The following RGS6 variants were observed in gnomAD, a reference collection of about 807,000 sequenced individuals.
RGS6 encodes the protein regulator of G-protein signaling 6.
Under a neutral mutation model 78.5 loss-of-function variants are expected in RGS6, and 30 were observed. The ratio of observed to expected loss-of-function variants is 0.38; its 90% CI spans 0.29 to 0.52. The LOEUF (loss-of-function observed/expected upper bound fraction) is 0.52, where lower values mean the gene tolerates loss of function less well. Among genes scored for constraint, RGS6 ranks in the 20% least tolerant of loss-of-function variants. The pLI, the probability that RGS6 is intolerant of heterozygous loss-of-function variation, is 0.85. For missense variants in RGS6, 495 were observed against 609.7 expected, an observed-to-expected ratio of 0.81 and a Z score of 1.98; for synonymous variants, 206 against 206.0, an observed-to-expected ratio of 1.00 and a Z score of 0.00.
the RGS6 span, among the ~76,000 whole-genome samples, chr14:71,869,128 A>T: frequency 1.6e-4 from 24 of 152,276 alleles, no homozygotes; most frequent in Admixed American, 1.6e-3. Context: ...CTTTGCCTCG[A>T]GCTCTGCTTC....
chr14:71,902,083 C>T, the RGS6 span, among the ~76,000 whole-genome samples: 2 of 129,836 alleles, frequency 1.5e-5, no homozygotes, highest in African/African-American at 5.5e-5. Flanking sequence ...GAGAAAAAAC[C>T]TGGAGAAAGA....
intron 2 of RGS6, among the ~76,000 whole-genome samples, chr14:72,131,562 A>G (rs1388730256): frequency 6.6e-6 from 1 of 152,168 alleles, no homozygotes; most frequent in Non-Finnish European, 1.5e-5. Flanking sequence ...GGTAACAGAA[A>G]TTGTCAAGTG....
At chr14:72,478,419 C>A (rs966827387) in intron 12 of RGS6, 90 bp downstream of exon 12, 2 of 929,574 alleles carry the variant, frequency 2.2e-6, no homozygotes, top group Admixed American at 2.0e-5. Context: ...GTGTTCAATG[C>A]CAAGAGTTAG....
At position 72,563,177 on chromosome 14, in the gene RGS6, C is replaced by T. The variant is rs534069749; in HGVS notation, c.*710C>T. ...CCCGTCACATGTCTCAAGGGTCCAG[C>T]GTTCGAGGAAGCACTGTTGTAGATG... On this transcript the variant is annotated 3_prime_UTR_variant, in exon 18 of 18. Transcript: ENST00000553525. 34 of 217,652 alleles carry T rather than the reference C, an allele frequency of 1.6e-4. No individual in the cohort carries two copies. The highest frequency in any genetic ancestry group is 5.9e-4 in the Admixed American group (12 of 20,266). 13.5% of individuals were successfully genotyped at this position (217,652 alleles called of 1,614,324 possible).
chr14:71,914,822 G>C, the RGS6 span, among the ~76,000 whole-genome samples: 1 of 151,532 alleles, frequency 6.6e-6, no homozygotes, highest in African/African-American at 2.4e-5. Context: ...TCTTCTGCTT[G>C]AGCTTATTTT....
At chr14:72,540,742 C>G (rs2097314299) in intron 17 of RGS6, 4 of 1,280,574 alleles carry the variant, frequency 3.1e-6, no homozygotes, top group Non-Finnish European at 4.1e-6. Flanking sequence ...CCTGCGGTGT[C>G]CTGGGTACTC....
chr14:72,391,213 C>T (rs1055802704), intron 3 of RGS6, among the ~76,000 whole-genome samples: 2 of 151,876 alleles, frequency 1.3e-5, no homozygotes, highest in Non-Finnish European at 2.9e-5. Context: ...GAAGGGAATG[C>T]TTCATTTCCA....
intron 2 of RGS6, among the ~76,000 whole-genome samples, chr14:72,098,882 G>A (rs1643927659): frequency 6.6e-6 from 1 of 152,158 alleles, no homozygotes; most frequent in African/African-American, 2.4e-5. Flanking sequence ...AGTGCGTAGA[G>A]CCCTAGTACC....
intron 1 of RGS6, among the ~76,000 whole-genome samples, chr14:71,948,284 T>G (rs187090634): frequency 1.3e-5 from 2 of 152,332 alleles, no homozygotes; most frequent in African/African-American, 4.8e-5. Flanking sequence ...TCCTGATTAG[T>G]CACATGTCTA....
In RGS6 at chr14:72,551,011, T is replaced by C. The variant is rs1200278741; in HGVS notation, c.1422+10917T>C. On this transcript the variant is annotated intron_variant, in intron 17 of 17. Coordinates refer to ENST00000553525, the MANE Select transcript of RGS6 (RefSeq NM_001204424.2). ...TGCACCACCACACTCAACTAATTTTTGTACTCTTAGTAGAGACGGAGTTTC... is the reference window on the plus strand; with the variant it reads ...TGCACCACCACACTCAACTAATTTTCGTACTCTTAGTAGAGACGGAGTTTC... 1.4e-4 allele frequency among the ~76,000 whole-genome samples: 22 copies of C among 152,182 alleles called. 1 individual carries two copies. The highest frequency in any genetic ancestry group is 9.8e-4 in the Admixed American group (15 of 15,274).
chr14:72,523,452 A>G (rs922400768), intron 15 of RGS6, among the ~76,000 whole-genome samples: 2 of 152,124 alleles, frequency 1.3e-5, no homozygotes, highest in Non-Finnish European at 2.9e-5. Context: ...TGCAGTGGTC[A>G]TATGCTTTAA....
chr14:72,604,082 A>G, the RGS6 span, among the ~76,000 whole-genome samples: 1 of 152,168 alleles, frequency 6.6e-6, no homozygotes, highest in South Asian at 2.1e-4. Context: ...AGTTGCTGGA[A>G]GATCTCAGGC....
chr14:71,998,847 T>C (rs1361985888), intron 2 of RGS6, among the ~76,000 whole-genome samples: 1 of 152,236 alleles, frequency 6.6e-6, no homozygotes, highest in Non-Finnish European at 1.5e-5. Context: ...GTGAGCCATG[T>C]GGTCTCTCTG....
chr14:72,271,426 C>T (rs2059918848), intron 2 of RGS6, among the ~76,000 whole-genome samples: 1 of 152,062 alleles, frequency 6.6e-6, no homozygotes, highest in South Asian at 2.1e-4. Flanking sequence ...AACTTACCTC[C>T]CACTGAGTCC....
At chr14:72,164,962 A>AG (rs1362749529) in intron 2 of RGS6, among the ~76,000 whole-genome samples, 1 of 152,204 alleles carries the variant, frequency 6.6e-6, no homozygotes, top group African/African-American at 2.4e-5. Flanking sequence ...CTTCTAAAGA[A>AG]GCAGACATGG....
At chr14:72,585,102 G>A in the RGS6 span, among the ~76,000 whole-genome samples, 1 of 151,626 alleles carries the variant, frequency 6.6e-6, no homozygotes, top group Non-Finnish European at 1.5e-5. Flanking sequence ...GCCAATTTAA[G>A]ACAACCAACC....
At chr14:71,952,607 C>G (rs2092429465) in intron 1 of RGS6, among the ~76,000 whole-genome samples, 4 of 152,044 alleles carry the variant, frequency 2.6e-5, no homozygotes, top group Admixed American at 1.3e-4. Context: ...CCCCGAGAAC[C>G]TATTCAATTG....
intron 2 of RGS6, among the ~76,000 whole-genome samples, chr14:72,113,009 C>T (rs1395933743): frequency 2.6e-5 from 4 of 152,134 alleles, no homozygotes; most frequent in Non-Finnish European, 5.9e-5. Context: ...GTGGGGACCA[C>T]GGGAGGGGCT....
the RGS6 span, among the ~76,000 whole-genome samples, chr14:72,586,618 C>G: frequency 2.0e-5 from 3 of 152,084 alleles, no homozygotes; most frequent in African/African-American, 7.2e-5. Flanking sequence ...GTCAGAAAGG[C>G]CTCTTTAATC....
Sources: allele counts gnomAD v4.1 joint callset (sites outside exome capture counted in the v4.1 genomes callset), GRCh38; gene constraint gnomAD v4.1.1; transcripts MANE v1.5; gene names NCBI Gene and HGNC (gene_info 2026-07-23, HGNC 2026-07-21).